The following MYO1E variants were observed in gnomAD, a reference collection of about 807,000 sequenced individuals.
MYO1E encodes the protein myosin IE.
MYO1E carries 68 observed loss-of-function variants against 151.1 expected under a neutral mutation model. The observed-to-expected ratio is 0.45, with a 90% confidence interval of 0.37 to 0.55. MYO1E has a LOEUF of 0.55. Among genes scored for constraint, MYO1E ranks in the 20% least tolerant of loss-of-function variants. The pLI is 0.00. For missense variants in MYO1E, 1,363 were observed against 1,389.3 expected (o/e 0.98, Z 0.30); for synonymous variants, 601 against 501.7 (o/e 1.20, Z -2.64).
At chr15:59,175,645 C>T (rs746771682) in intron 19 of MYO1E, among the ~76,000 whole-genome samples, 1 of 152,170 alleles carries the variant, frequency 6.6e-6, no homozygotes, top group Non-Finnish European at 1.5e-5. Context: ...AAAATCTGAG[C>T]CCTGCAGTTG....
chr15:59,284,008 C>T lies in MYO1E; in HGVS notation c.4-11559G>A, dbSNP rs556198376. On this transcript the variant is annotated intron_variant, in intron 1 of 27. Transcript: ENST00000288235. ...GGTAAACAGAATACCTGGTACAAAG[C>T]CCTGCAAGCTAGGAGCTCACGGAGC... is the stretch of plus-strand genomic sequence containing the variant. Among the ~76,000 whole-genome samples the T allele has an allele frequency of 3.3e-5, 5 of 152,308 alleles. No individual in the cohort carries two copies. In the East Asian group the frequency reaches 9.7e-4, roughly 29 times the overall value.
rs2140297986 is a variant in MYO1E, at chr15:59,138,191, C to T, written c.3250+7G>A. The stretch of plus-strand genomic sequence containing the variant: ...AGGCTGTCCCAGCCAACCAGCCACA[C>T]ACTTACCTTCTTTGATAATATCAAT... On this transcript the variant is annotated splice_region_variant and intron_variant, in intron 27 of 27. Coordinates refer to ENST00000288235, the MANE Select transcript of MYO1E (RefSeq NM_004998.4). 6.2e-7 allele frequency: 1 copy of T among 1,614,144 alleles called. No homozygotes were observed.
intron 1 of MYO1E, among the ~76,000 whole-genome samples, chr15:59,305,786 C>A (rs2080511256): frequency 6.6e-6 from 1 of 152,144 alleles, no homozygotes; most frequent in Admixed American, 6.6e-5. Context: ...TCATTCCCAG[C>A]CTACCATGTA....
chr15:59,268,241 C>G (rs1241341749), intron 2 of MYO1E, among the ~76,000 whole-genome samples: 1 of 152,200 alleles, frequency 6.6e-6, no homozygotes, highest in Admixed American at 6.5e-5. Flanking sequence ...TATTATTTCA[C>G]AAACATCCAT....
chr15:59,273,858 G>GC (rs1419237542), intron 1 of MYO1E, among the ~76,000 whole-genome samples: 2 of 152,090 alleles, frequency 1.3e-5, no homozygotes, highest in Admixed American at 6.6e-5. Flanking sequence ...ACTCGCCCCT[G>GC]CCCCCTCCCT....
intron 13 of MYO1E, among the ~76,000 whole-genome samples, chr15:59,210,006 T>C (rs1218461888): frequency 6.6e-6 from 1 of 151,698 alleles, no homozygotes; most frequent in East Asian, 2.0e-4. Context: ...GGCTAATTTT[T>C]GTATTTAGCT....
In MYO1E at chr15:59,208,377, G is replaced by A. The variant is rs1171477030; in HGVS notation, c.1530+304C>T. The A allele has an allele frequency of 5.7e-5, 32 of 560,110 alleles. No homozygotes were observed. In the South Asian group the frequency reaches 5.9e-4, roughly 10 times the overall value. 34.7% of individuals were successfully genotyped at this position (560,110 alleles called of 1,614,324 possible). The stretch of plus-strand genomic sequence containing the variant: ...AAAGTAGGATGTAGGTATTTATTGT[G>A]TTCTAGAAATTCCGACTCTTTTCAT... On this transcript the variant is annotated intron_variant, in intron 14 of 27. Coordinates refer to ENST00000288235, the MANE Select transcript of MYO1E (RefSeq NM_004998.4).
chr15:59,151,000 A>G (rs2079472588), intron 26 of MYO1E, among the ~76,000 whole-genome samples: 1 of 146,100 alleles, frequency 6.8e-6, no homozygotes, highest in African/African-American at 2.5e-5. Context: ...GTGGAAGGGA[A>G]GAGGAGAGGG....
intron 4 of MYO1E, among the ~76,000 whole-genome samples, chr15:59,250,349 G>A (rs1011213861): frequency 5.3e-5 from 8 of 152,182 alleles, no homozygotes; most frequent in Admixed American, 4.6e-4. Context: ...CAGGCGGTGC[G>A]TGATCGAGGC....
chr15:59,278,090 C>T (rs1411051526), intron 1 of MYO1E, among the ~76,000 whole-genome samples: 1 of 152,154 alleles, frequency 6.6e-6, no homozygotes, highest in African/African-American at 2.4e-5. Flanking sequence ...CTCTCAAAGT[C>T]AAAAGCCAGG....
intron 14 of MYO1E, among the ~76,000 whole-genome samples, chr15:59,206,394 G>T (rs2079834125): frequency 6.6e-6 from 1 of 152,138 alleles, no homozygotes. Flanking sequence ...TCCCAGGGTG[G>T]GTCCTGGCCA....
At chr15:59,162,620 T>C (rs1596347262) in intron 23 of MYO1E, among the ~76,000 whole-genome samples, 1 of 138,008 alleles carries the variant, frequency 7.2e-6, no homozygotes, top group South Asian at 2.2e-4. Context: ...TACGCCAGCC[T>C]GGGCAACAGA....
intron 24 of MYO1E, 39 bp from the exon 25 acceptor site, chr15:59,158,418 G>C (rs1310499303): frequency 8.0e-6 from 12 of 1,502,114 alleles, no homozygotes; most frequent in Non-Finnish European, 1.1e-5. Flanking sequence ...AGTGCTACTG[G>C]TTGGTTTTAT....
At chr15:59,234,496 T>A (rs2140356652) in intron 5 of MYO1E, among the ~76,000 whole-genome samples, 1 of 152,274 alleles carries the variant, frequency 6.6e-6, no homozygotes. Flanking sequence ...AGCTTTCTGA[T>A]CTACCAGTAC....
rs8041633 is a variant in MYO1E, at chr15:59,137,272, T to G, written c.*108A>C. 0.024 allele frequency: 25,038 copies of G among 1,027,896 alleles called. 591 individuals carry two copies. The highest frequency in any genetic ancestry group is 0.11 in the African/African-American group (6,818 of 63,508). 63.7% of individuals were successfully genotyped at this position (1,027,896 alleles called of 1,614,324 possible). ...GAAGGTACCAGAATAGCTCCAGGCC[T>G]TGGAGAAGCAATTGCTCATTGTGGA... On this transcript the variant is annotated 3_prime_UTR_variant, in exon 28 of 28. Coordinates refer to ENST00000288235, the MANE Select transcript of MYO1E (RefSeq NM_004998.4).
intron 1 of MYO1E, among the ~76,000 whole-genome samples, chr15:59,336,807 T>A (rs1057185709): frequency 3.4e-5 from 5 of 147,258 alleles, no homozygotes; most frequent in African/African-American, 7.5e-5. Flanking sequence ...CGTGTTCTCA[T>A]TGTTCAGCTC....
At chr15:59,189,628 G>A (rs1285739039) in intron 17 of MYO1E, among the ~76,000 whole-genome samples, 1 of 152,114 alleles carries the variant, frequency 6.6e-6, no homozygotes, top group Non-Finnish European at 1.5e-5. Flanking sequence ...AGGCTGGAGT[G>A]CAGTGGCAAA....
intron 16 of MYO1E, among the ~76,000 whole-genome samples, chr15:59,197,615 T>C (rs1034193446): frequency 2.6e-5 from 4 of 152,184 alleles, no homozygotes; most frequent in Non-Finnish European, 5.9e-5. Context: ...ATGACACAAT[T>C]TGCATGAAAG....
chr15:59,327,115 A>C (rs2080669585), intron 1 of MYO1E, among the ~76,000 whole-genome samples: 1 of 151,730 alleles, frequency 6.6e-6, no homozygotes. Flanking sequence ...TTTATGGGTA[A>C]GGCGTTTTCT....
Sources: gnomAD v4.1 joint callset for allele counts (sites outside exome capture counted in the v4.1 genomes callset) on GRCh38, gnomAD v4.1.1 for gene constraint, MANE v1.5 for transcripts, NCBI Gene and HGNC (gene_info 2026-07-23, HGNC 2026-07-21) for gene names.